Variants in MME observed in about 807,000 individuals in gnomAD.
MME encodes the protein membrane metalloendopeptidase, also known as neprilysin.
MME carries 98 observed loss-of-function variants against 113.2 expected under a neutral mutation model. That is an observed-to-expected ratio of 0.87 (90% CI 0.74 to 1.02). The LOEUF is 1.02. Among genes scored for constraint, MME ranks in the 50% least tolerant of loss-of-function variants. The pLI, the probability that MME is intolerant of heterozygous loss-of-function variation, is 0.00. For missense variants in MME, 836 were observed against 896.0 expected (o/e 0.93, Z 0.86); for synonymous variants, 292 against 300.6 (o/e 0.97, Z 0.30).
chr3:155,079,627 G>A (rs1224368326), upstream of MME: 2 of 146,692 alleles, frequency 1.4e-5, no homozygotes, highest in Non-Finnish European at 3.0e-5. Flanking sequence ...GCGGGGTAGG[G>A]GGTGGGGGGG....
intron 16 of MME, among the ~76,000 whole-genome samples, chr3:155,157,438 C>A (rs912176553): frequency 6.6e-5 from 10 of 152,114 alleles, no homozygotes; most frequent in South Asian, 4.1e-4. Flanking sequence ...GCAAGAATCA[C>A]CACCATTTCA....
chr3:155,151,233 T>C (rs528888288), intron 16 of MME, among the ~76,000 whole-genome samples: 1 of 152,316 alleles, frequency 6.6e-6, no homozygotes, highest in East Asian at 1.9e-4. Context: ...CATTTTCAGA[T>C]GCTCAAGATC....
chr3:155,083,461 C>T (rs1486569762), intron 1 of MME: 1 of 152,640 alleles, frequency 6.6e-6, no homozygotes, highest in Non-Finnish European at 1.5e-5. Context: ...CCCCCTTACT[C>T]CCCTCTTAAA....
intron 3 of MME, among the ~76,000 whole-genome samples, chr3:155,091,383 T>A (rs1716287354): frequency 6.6e-6 from 1 of 152,230 alleles, no homozygotes; most frequent in Non-Finnish European, 1.5e-5. Context: ...ACACCATCAT[T>A]TTTTAATGAA....
At position 155,168,594 on chromosome 3, in the gene MME, AC is replaced by A; in HGVS notation, c.1884del (p.Ser630ProfsTer51). 1 of 1,613,836 alleles carries A rather than the reference AC, an allele frequency of 6.2e-7. No homozygotes were observed. The highest frequency in any genetic ancestry group is 8.5e-7 in the Non-Finnish European group (1 of 1,179,848). On this transcript the variant is annotated frameshift_variant, in exon 19 of 23. Coordinates refer to ENST00000360490, the MANE Select transcript of MME (RefSeq NM_007289.4). LOFTEE classifies it high-confidence loss of function. ...QSQCMVYQYGNFSWDLAGGQH... is the reference protein window; with the variant it reads ...QSQCMVYQYGXFSWDLAGGQH... ...CAGTGCATGGTGTATCAGTATGGAA[AC>A]TTTTCCTGGGACCTGGCAGGTGGAC...
intron 1 of MME, among the ~76,000 whole-genome samples, chr3:155,074,390 G>A (rs995399341): frequency 3.3e-5 from 5 of 151,628 alleles, no homozygotes; most frequent in Non-Finnish European, 7.4e-5. Context: ...GTTATGATTT[G>A]CTCTTGCTCT....
rs74797790 is a variant in MME, at chr3:155,101,804, G to A, written c.197-13190G>A. On this transcript the variant is annotated intron_variant, in intron 3 of 22. Transcript: ENST00000360490. ...CTTCTTCTGTTGATGGTCCTTTATAGTTTAACTAAACCGGGATTCAGTCTC... is the reference window on the plus strand; with the variant it reads ...CTTCTTCTGTTGATGGTCCTTTATAATTTAACTAAACCGGGATTCAGTCTC... Among the ~76,000 whole-genome samples, 46 of 152,094 alleles carry A rather than the reference G, an allele frequency of 3.0e-4. 1 individual carries two copies. In the East Asian group the frequency reaches 8.7e-3, roughly 29 times the overall value.
chr3:155,025,168 A>T (rs1239394699), intron 1 of MME, among the ~76,000 whole-genome samples: 2 of 152,162 alleles, frequency 1.3e-5, no homozygotes, highest in Non-Finnish European at 2.9e-5. Context: ...CTGAGAGGAA[A>T]AACACCACCC....
At chr3:155,159,310 T>C (rs1261641077) in intron 16 of MME, among the ~76,000 whole-genome samples, 1 of 152,024 alleles carries the variant, frequency 6.6e-6, no homozygotes, top group Non-Finnish European at 1.5e-5. Context: ...AGTAGGATAA[T>C]TGTCATACTA....
At chr3:155,150,347 T>C (rs139118580) in intron 16 of MME, among the ~76,000 whole-genome samples, 2 of 152,318 alleles carry the variant, frequency 1.3e-5, no homozygotes, top group Non-Finnish European at 2.9e-5. Flanking sequence ...TGATTTTCTC[T>C]GCATTCTTCT....
intron 1 of MME, among the ~76,000 whole-genome samples, chr3:155,071,011 C>A (rs1225673561): frequency 1.3e-5 from 2 of 152,136 alleles, no homozygotes; most frequent in African/African-American, 4.8e-5. Flanking sequence ...TCAGAGAGGT[C>A]TAATGTGAAT....
intron 1 of MME, among the ~76,000 whole-genome samples, chr3:155,055,495 G>T (rs1365734542): frequency 1.3e-5 from 2 of 152,028 alleles, no homozygotes; most frequent in Non-Finnish European, 2.9e-5. Context: ...TACTCAGGAG[G>T]CTGAGGCAGG....
rs950334280 is a variant in MME at position 155,172,683 on chromosome 3, CT to C, written c.2153+75del. On this transcript the variant is annotated intron_variant, in intron 22 of 22. Coordinates refer to ENST00000360490, the MANE Select transcript of MME (RefSeq NM_007289.4). ...ATTGCTTCCACATTTGGAATTTAGA[CT>C]TTTCTAACTCTGATTCTTTTACATT... 3.0e-5 allele frequency: 32 copies of C among 1,083,870 alleles called. No individual in the cohort carries two copies. In the African/African-American group the frequency reaches 4.1e-4, roughly 14 times the overall value. The allele number at this position is 1,083,870 out of a possible 1,614,324, so 67.1% of individuals were successfully genotyped here. A position where few individuals can be genotyped will look rare whatever the true frequency, so the allele number is the denominator to read the frequency against.
intron 22 of MME, 151 bp from the exon 23 acceptor site, chr3:155,180,209 G>A: frequency 2.8e-6 from 2 of 706,692 alleles, no homozygotes; most frequent in South Asian, 2.9e-5. Flanking sequence ...TTAATGAGAA[G>A]GCACTGACTC....
chr3:155,144,084 C>A (rs1239662404), intron 13 of MME, among the ~76,000 whole-genome samples: 1 of 152,060 alleles, frequency 6.6e-6, no homozygotes, highest in African/African-American at 2.4e-5. Context: ...TACATTAGTT[C>A]TTCCAGTATG....
intron 8 of MME, among the ~76,000 whole-genome samples, chr3:155,136,942 A>G (rs1720681477): frequency 6.6e-6 from 1 of 152,196 alleles, no homozygotes; most frequent in Non-Finnish European, 1.5e-5. Flanking sequence ...ATGAGGTGGA[A>G]TCGTAATGTA....
At chr3:155,028,159 GACA>G (rs768884454) in intron 1 of MME, among the ~76,000 whole-genome samples, 5 of 152,184 alleles carry the variant, frequency 3.3e-5, no homozygotes, top group Non-Finnish European at 7.4e-5. Context: ...TAGTGAAACA[GACA>G]ACATTTCTAC....
chr3:155,059,570 A>G (rs1247338268), intron 1 of MME, among the ~76,000 whole-genome samples: 1 of 152,174 alleles, frequency 6.6e-6, no homozygotes, highest in East Asian at 1.9e-4. Context: ...TCGAGGAGAC[A>G]AGCTATTAAC....
At chr3:155,138,303 T>A in intron 9 of MME, 67 bp downstream of exon 9, 1 of 1,518,504 alleles carries the variant, frequency 6.6e-7, no homozygotes, top group Non-Finnish European at 9.1e-7. Flanking sequence ...CCCCTCTCTA[T>A]CATACTTTAA....
Sources: gnomAD v4.1 joint callset for allele counts (sites outside exome capture counted in the v4.1 genomes callset) on GRCh38, gnomAD v4.1.1 for gene constraint, MANE v1.5 for transcripts, NCBI Gene and HGNC (gene_info 2026-07-23, HGNC 2026-07-21) for gene names.